PHF3: variants seen among roughly 807,000 people sequenced by gnomAD.
PHF3 encodes the protein PHD finger protein 3.
In PHF3, 41 loss-of-function variants were observed where a neutral mutation model predicts 178.4. That is an observed-to-expected ratio of 0.23 (90% CI 0.18 to 0.30). PHF3 has a LOEUF of 0.30. Among genes scored for constraint, PHF3 ranks in the 10% least tolerant of loss-of-function variants. The pLI is 1.00. For missense variants in PHF3, 2,346 were observed against 2,398.1 expected (o/e 0.98, Z 0.45); for synonymous variants, 842 against 800.5 (o/e 1.05, Z -0.88).
At chr6:63,693,255 T>C (rs999336860) in intron 5 of PHF3, among the ~76,000 whole-genome samples, 1 of 152,226 alleles carries the variant, frequency 6.6e-6, no homozygotes, top group African/African-American at 2.4e-5. Flanking sequence ...CATATACATA[T>C]GCAGTACAAT....
Position 63,636,056 on chromosome 6 carries a change from G to A in PHF3, c.-120G>A, listed in dbSNP as rs919941389. On this transcript the variant is annotated 5_prime_UTR_variant, in exon 1 of 16. Coordinates refer to ENST00000262043, the MANE Select transcript of PHF3 (RefSeq NM_001370348.2). Reference sequence around the variant, plus strand: ...GTCCTGCGCGTACCCCCTCTCCGCGGCACCCACCGGGCCCCCTCCTCCTCC... The same window carrying A: ...GTCCTGCGCGTACCCCCTCTCCGCGACACCCACCGGGCCCCCTCCTCCTCC... The A allele has an allele frequency of 2.0e-5, 8 of 393,292 alleles. No individual in the cohort carries two copies. The highest frequency in any genetic ancestry group is 1.7e-4 in the African/African-American group (8 of 48,326). 24.4% of individuals were successfully genotyped at this position (393,292 alleles called of 1,614,324 possible). A position where few individuals can be genotyped will look rare whatever the true frequency, so the allele number is the denominator to read the frequency against.
intron 2 of PHF3, among the ~76,000 whole-genome samples, chr6:63,664,803 A>G (rs1765610733): frequency 6.6e-6 from 1 of 152,092 alleles, no homozygotes; most frequent in Non-Finnish European, 1.5e-5. Context: ...GCTGAAAAAG[A>G]TAACTCGATT....
chr6:63,667,340 T>C lies in PHF3; in HGVS notation c.245-12660T>C, dbSNP rs199941547. ...TTAAGCTTTAAAAAAATTTTTAATT[T>C]AATTTTGTATTTTGAAAATTTAAAA... On this transcript the variant is annotated intron_variant, in intron 2 of 15. Coordinates refer to ENST00000262043, the MANE Select transcript of PHF3 (RefSeq NM_001370348.2). Among the ~76,000 whole-genome samples, 3 of 152,354 alleles carry C rather than the reference T, an allele frequency of 2.0e-5. No individual in the cohort carries two copies. The East Asian group carries it at 5.8e-4, about 29-fold the overall frequency.
chr6:63,666,448 C>A (rs2149562521), intron 2 of PHF3, among the ~76,000 whole-genome samples: 1 of 151,724 alleles, frequency 6.6e-6, no homozygotes, highest in East Asian at 1.9e-4. Context: ...TGTTTGTCAG[C>A]ATTTTTTTTT....
In PHF3 at chr6:63,649,925, G is replaced by A. The variant is rs1764951882; in HGVS notation, c.244+3130G>A. On this transcript the variant is annotated intron_variant, in intron 2 of 15. Coordinates refer to ENST00000262043, the MANE Select transcript of PHF3 (RefSeq NM_001370348.2). Reference sequence around the variant, plus strand: ...GGAGTGTATTCAAAATCACTGAAATGGTGTTTACTGGCAGTATCAGTGTTA... The same window carrying A: ...GGAGTGTATTCAAAATCACTGAAATAGTGTTTACTGGCAGTATCAGTGTTA... Among the ~76,000 whole-genome samples, 3 of 152,086 alleles carry A rather than the reference G, an allele frequency of 2.0e-5. No homozygotes were observed. The South Asian group carries it at 6.2e-4, about 32-fold the overall frequency.
At position 63,713,052 on chromosome 6, in the gene PHF3, A is replaced by C. The variant is rs200726718; in HGVS notation, c.5464A>C (p.Asn1822His). Residue 1822 changes from asparagine (N) to histidine (H), a missense_variant, in exon 16 of 16, where the codon AAT (asparagine) becomes CAT (histidine). Asn to His is a moderately conservative substitution (Grantham distance 68). Transcript: ENST00000262043. ...TGGATTTCCATTTCCAGGGCCTCCT[A>C]ATTTTCCCCCACAAAGCATGTTTGG... ...PPGFPFPGPP[N>H]FPPQSMFGFP... The C allele has an allele frequency of 2.8e-4, 451 of 1,613,726 alleles. No homozygotes were observed. The highest frequency in any genetic ancestry group is 3.5e-4 in the Non-Finnish European group (417 of 1,179,940).
At chr6:63,665,491 T>TG (rs1765643664) in intron 2 of PHF3, among the ~76,000 whole-genome samples, 1 of 145,204 alleles carries the variant, frequency 6.9e-6, no homozygotes, top group African/African-American at 2.6e-5. Context: ...TTTTTGTTTT[T>TG]TTTTTTTTTT....
chr6:63,666,168 A>G (rs917582244), intron 2 of PHF3, among the ~76,000 whole-genome samples: 10 of 152,200 alleles, frequency 6.6e-5, no homozygotes, highest in Admixed American at 6.5e-4. Context: ...CTTTTGAAGG[A>G]GTGACCAATT....
chr6:63,721,835 T>C lies in PHF3; in HGVS notation c.*8127T>C. ...AAACAGTAAGTTTGATTAGCAACAG[T>C]AAAAGTTTCCATTGAAAACTTTTGC... is the stretch of plus-strand genomic sequence containing the variant. On this transcript the variant is annotated 3_prime_UTR_variant, in exon 16 of 16. Transcript: ENST00000262043. 1 of 1,499,218 alleles carries C rather than the reference T, an allele frequency of 6.7e-7. No homozygotes were observed. The highest frequency in any genetic ancestry group is 8.9e-7 in the Non-Finnish European group (1 of 1,124,176). The allele number at this position is 1,499,218 out of a possible 1,614,324, so 92.9% of individuals were successfully genotyped here. A position where few individuals can be genotyped will look rare whatever the true frequency, so the allele number is the denominator to read the frequency against.
At chr6:63,690,549 G>A (rs1303649779) in intron 4 of PHF3, among the ~76,000 whole-genome samples, 1 of 152,130 alleles carries the variant, frequency 6.6e-6, no homozygotes, top group Non-Finnish European at 1.5e-5. Flanking sequence ...ATCACCCAGT[G>A]TGTTACCTTC....
In PHF3 at chr6:63,713,586, A is replaced by G. The variant is rs781464970; in HGVS notation, c.5998A>G (p.Lys2000Glu). ...TGTAGACAAGAAGCCAGATAAACCT[A>G]AAAGTGAAGACTATGAGAAGGACAA... ...RNVDKKPDKP[K>E]SEDYEKDKER... The change falls in exon 16 of 16, where the codon AAA becomes GAA. Residue 2000 changes from lysine (K) to glutamate (E), a missense_variant. Physicochemically the swap from Lys to Glu is moderately conservative, Grantham distance 56 (BLOSUM62 1). This residue lies in a region of PHF3 where 839 missense variants were observed against 806.9 expected (regional missense o/e 1.04). Transcript: ENST00000262043. 1.4e-5 allele frequency: 23 copies of G among 1,613,610 alleles called. No individual in the cohort carries two copies. The highest frequency in any genetic ancestry group is 7.7e-5 in the South Asian group (7 of 91,064).
At chr6:63,683,996 G>T (rs774592878) in intron 3 of PHF3, 133 bp from the exon 4 acceptor site, 32 of 619,678 alleles carry the variant, frequency 5.2e-5, no homozygotes, top group Non-Finnish European at 8.8e-5. Flanking sequence ...ACCATTATGA[G>T]TACTGTTCAA....
Position 63,703,684 on chromosome 6 carries a change from T to C in PHF3, c.3367+13T>C. The C allele has an allele frequency of 6.3e-7, 1 of 1,582,448 alleles. No homozygotes were observed. The highest frequency in any genetic ancestry group is 1.2e-5 in the South Asian group (1 of 85,136). ...AAAATCTGCATAGGTAATTGGAAGT[T>C]TTTCTTCGTAAAATTTTGCATTCAT... On this transcript the variant is annotated intron_variant, in intron 11 of 15. Transcript: ENST00000262043.
rs1380096816 is a variant in PHF3 at position 63,723,344 on chromosome 6, CATAATTG to C, written c.*9643_*9649del. ...ACCACCAAAAACTGGAACAAGTAAA[CATAATTG>C]ATAATTAAGTTCAAAAAATTTATAG... On this transcript the variant is annotated 3_prime_UTR_variant, in exon 16 of 16. Coordinates refer to ENST00000262043, the MANE Select transcript of PHF3 (RefSeq NM_001370348.2). Among the ~76,000 whole-genome samples the C allele has an allele frequency of 6.6e-6, 1 of 151,996 alleles. No homozygotes were observed. Among genetic ancestry groups the C allele is most frequent in the South Asian group, 2.1e-4 (1 of 4,826 alleles).
Position 63,701,258 on chromosome 6 carries a change from A to G in PHF3, c.3099+792A>G, listed in dbSNP as rs368333902. Among the ~76,000 whole-genome samples, 22 of 152,340 alleles carry G rather than the reference A, an allele frequency of 1.4e-4. 1 individual carries two copies. The East Asian group carries it at 2.1e-3, about 15-fold the overall frequency. ...CCTGAATTGCCATGTATGAATGTTC[A>G]TATTCACAGAAATATTGTATATTTA... On this transcript the variant is annotated intron_variant, in intron 9 of 15. Transcript: ENST00000262043.
In PHF3 at chr6:63,721,200, A is replaced by T. The variant is rs1554163911; in HGVS notation, c.*7492A>T. ...AGTTTTGTTTTCACAATACCTTCCC[A>T]CCCAACCCAAAGTACACAGGCAACT... On this transcript the variant is annotated 3_prime_UTR_variant, in exon 16 of 16. Transcript: ENST00000262043. 6.4e-7 allele frequency: 1 copy of T among 1,551,712 alleles called. No homozygotes were observed. Among genetic ancestry groups the T allele is most frequent in the East Asian group, 2.4e-5 (1 of 40,918 alleles).
chr6:63,721,853 A>G lies in PHF3; in HGVS notation c.*8145A>G. 1 of 1,475,942 alleles carries G rather than the reference A, an allele frequency of 6.8e-7. No homozygotes were observed. The highest frequency in any genetic ancestry group is 9.0e-7 in the Non-Finnish European group (1 of 1,111,880). The allele number at this position is 1,475,942 out of a possible 1,614,324, so 91.4% of individuals were successfully genotyped here. ...GCAACAGTAAAAGTTTCCATTGAAA[A>G]CTTTTGCTGTTTCTGGCCAAGTTGG... On this transcript the variant is annotated 3_prime_UTR_variant, in exon 16 of 16. Coordinates refer to ENST00000262043, the MANE Select transcript of PHF3 (RefSeq NM_001370348.2).
rs1203780983 is a variant in PHF3 at position 63,675,371 on chromosome 6, GA to G, written c.245-4628del. On this transcript the variant is annotated intron_variant, in intron 2 of 15. Coordinates refer to ENST00000262043, the MANE Select transcript of PHF3 (RefSeq NM_001370348.2). ...GTCAAACTCAGCTTAACTACTTCTA[GA>G]TCAGTTATTTCCTCTGTTATAAAGT... Among the ~76,000 whole-genome samples, 3 of 152,256 alleles carry G rather than the reference GA, an allele frequency of 2.0e-5. No homozygotes were observed. In the East Asian group the frequency reaches 5.8e-4, roughly 29 times the overall value.
chr6:63,679,738 T>C lies in PHF3; in HGVS notation c.245-262T>C, dbSNP rs73439253. 2.2e-3 allele frequency: 1,013 copies of C among 470,886 alleles called. 7 individuals are homozygous for C. The highest frequency in any genetic ancestry group is 0.018 in the African/African-American group (899 of 50,982). 29.2% of individuals were successfully genotyped at this position (470,886 alleles called of 1,614,324 possible). A position where few individuals can be genotyped will look rare whatever the true frequency, so the allele number is the denominator to read the frequency against. ...GTCAGCAAGTAATAAATGGAAGTGA[T>C]ATTTGAGGCTAAATCAGGAAAGAGT... On this transcript the variant is annotated intron_variant, in intron 2 of 15. Coordinates refer to ENST00000262043, the MANE Select transcript of PHF3 (RefSeq NM_001370348.2).
Sources: gnomAD v4.1 joint callset for allele counts (sites outside exome capture counted in the v4.1 genomes callset) on GRCh38, gnomAD v4.1.1 for gene constraint, gnomAD v4.1.1 regional missense constraint, MANE v1.5 for transcripts, NCBI Gene and HGNC (gene_info 2026-07-23, HGNC 2026-07-21) for gene names.